The following ZNF710 variants were observed in gnomAD, a reference collection of about 807,000 sequenced individuals.
The protein encoded by ZNF710 is zinc finger protein 710.
ZNF710 carries 13 observed loss-of-function variants against 50.6 expected under a neutral mutation model. The ratio of observed to expected loss-of-function variants is 0.26; its 90% CI spans 0.17 to 0.41. The LOEUF (loss-of-function observed/expected upper bound fraction) is 0.41. Ranked by LOEUF, ZNF710 falls within the 10% of genes least tolerant of loss-of-function variation. The probability of loss-of-function intolerance (pLI) is 1.00; values close to 1 mark genes in which losing one functional copy is unlikely to be tolerated. For missense variants in ZNF710, 721 were observed against 936.6 expected, an observed-to-expected ratio of 0.77 and a Z score of 3.01; for synonymous variants, 383 against 397.0, an observed-to-expected ratio of 0.96 and a Z score of 0.42.
intron 1 of ZNF710, among the ~76,000 whole-genome samples, chr15:90,051,733 A>G (rs559183678): frequency 4.6e-5 from 7 of 152,134 alleles, no homozygotes; most frequent in Non-Finnish European, 1.0e-4. Context: ...TGGGTGAATC[A>G]CTCAACTCCT....
intron 1 of ZNF710, among the ~76,000 whole-genome samples, chr15:90,018,334 A>G (rs1237092997): frequency 6.6e-6 from 1 of 151,732 alleles, no homozygotes; most frequent in Non-Finnish European, 1.5e-5. Flanking sequence ...ACACCCAGCT[A>G]CTTTTTGTAT....
At chr15:90,048,994 T>G (rs1323785654) in intron 1 of ZNF710, among the ~76,000 whole-genome samples, 1 of 152,186 alleles carries the variant, frequency 6.6e-6, no homozygotes, top group Non-Finnish European at 1.5e-5. Context: ...CATTACTTTT[T>G]CCAAGTGTTC....
At chr15:90,064,864 T>TA (rs1900118797) in intron 1 of ZNF710, among the ~76,000 whole-genome samples, 1 of 152,136 alleles carries the variant, frequency 6.6e-6, no homozygotes, top group Non-Finnish European at 1.5e-5. Flanking sequence ...CCGTGGGCCC[T>TA]CACAACCCTT....
intron 1 of ZNF710, among the ~76,000 whole-genome samples, chr15:90,013,475 G>C (rs995397287): frequency 3.9e-5 from 6 of 152,168 alleles, no homozygotes; most frequent in Admixed American, 3.3e-4. Flanking sequence ...TGAGGTATAG[G>C]ATGAGAGTCC....
intron 1 of ZNF710, among the ~76,000 whole-genome samples, chr15:90,043,025 C>T (rs1208007994): frequency 6.6e-6 from 1 of 152,264 alleles, no homozygotes; most frequent in Non-Finnish European, 1.5e-5. Flanking sequence ...AGGGCCCAGC[C>T]TGAGCAGGCG....
Position 90,067,279 on chromosome 15 carries a change from G to T in ZNF710, c.142G>T (p.Gly48Trp). Residue 48 changes from glycine (G) to tryptophan (W), a missense_variant, in exon 2 of 5, where the codon GGG (glycine) becomes TGG (tryptophan). Gly to Trp is a radical substitution (Grantham distance 184). Around this residue, in one of 3 missense-constraint regions of ZNF710, gnomAD observed 326 missense variants for 347.1 expected, o/e 0.94. Transcript: ENST00000268154. The surrounding 1 kb of genome is among the most constrained non-coding windows in gnomAD (Gnocchi z 8.1). ...ISAEAFYPDLGPELSGAAMGE... is the reference protein window; with the variant it reads ...ISAEAFYPDLWPELSGAAMGE... ...CGCCGAGGCCTTCTACCCGGACCTG[G>T]GGCCCGAGCTTTCAGGGGCAGCCAT... is the stretch of plus-strand genomic sequence containing the variant. The T allele has an allele frequency of 6.2e-7, 1 of 1,612,428 alleles. No homozygotes were observed. The highest frequency in any genetic ancestry group is 1.1e-5 in the South Asian group (1 of 90,856).
Position 90,067,111 on chromosome 15 carries a change from G to T in ZNF710, c.-27G>T. On this transcript the variant is annotated splice_region_variant and 5_prime_UTR_variant, in exon 2 of 5. Transcript: ENST00000268154. This position sits in a 1 kb window ranked among gnomAD's most constrained non-coding sequence, Gnocchi z 8.1. ...TAACCTTCCCTTCTCCACCCACAGC[G>T]ATGCCCTCCTAGCTAGCCGTCACGG... The T allele has an allele frequency of 6.4e-7, 1 of 1,563,834 alleles. No homozygotes were observed. The highest frequency in any genetic ancestry group is 1.2e-5 in the South Asian group (1 of 84,706).
intron 1 of ZNF710, among the ~76,000 whole-genome samples, chr15:90,058,623 G>A (rs997975412): frequency 6.6e-6 from 1 of 151,930 alleles, no homozygotes; most frequent in Admixed American, 6.6e-5. Flanking sequence ...GCTGTCAGGG[G>A]AGATGATCCA....
rs1009399124 is a variant in ZNF710, at chr15:90,080,510, CAT to C, written c.*682_*683del. On this transcript the variant is annotated 3_prime_UTR_variant, in exon 5 of 5. Transcript: ENST00000268154. Reference sequence around the variant, plus strand: ...AGTGTCCCTACAGTGGATTGCAACACATGTCGTCCACTTCGACCCTAGCTGGA... The same window carrying C: ...AGTGTCCCTACAGTGGATTGCAACACGTCGTCCACTTCGACCCTAGCTGGA... 5 of 152,754 alleles carry C rather than the reference CAT, an allele frequency of 3.3e-5. No individual in the cohort carries two copies. The highest frequency in any genetic ancestry group is 1.9e-4 in the East Asian group (1 of 5,194). The allele number at this position is 152,754 out of a possible 1,614,324, so 9.5% of individuals were successfully genotyped here.
At chr15:90,003,976 C>T (rs1018070844) in intron 1 of ZNF710, among the ~76,000 whole-genome samples, 6 of 152,044 alleles carry the variant, frequency 3.9e-5, no homozygotes, top group Non-Finnish European at 7.4e-5. Flanking sequence ...TTGCCTGTGT[C>T]TTGGTGGAGG....
chr15:90,048,181 TGCAGAACCTG>T, intron 1 of ZNF710, among the ~76,000 whole-genome samples: 1 of 152,354 alleles, frequency 6.6e-6, no homozygotes, highest in South Asian at 2.1e-4. Flanking sequence ...CAGATGCCAG[TGCAGAACCTG>T]GCAGGGAGCA....
At chr15:90,050,385 G>A (rs1899601657) in intron 1 of ZNF710, among the ~76,000 whole-genome samples, 1 of 152,160 alleles carries the variant, frequency 6.6e-6, no homozygotes, top group Non-Finnish European at 1.5e-5. Context: ...TACCTCCTGC[G>A]CTTCTGTCCG....
In ZNF710 at chr15:90,067,136, G is replaced by A. The variant is rs1472540989; in HGVS notation, c.-2G>A. 5 of 1,591,424 alleles carry A rather than the reference G, an allele frequency of 3.1e-6. No homozygotes were observed. The East Asian group carries it at 1.1e-4, about 36-fold the overall frequency. On this transcript the variant is annotated 5_prime_UTR_variant, in exon 2 of 5. Coordinates refer to ENST00000268154, the MANE Select transcript of ZNF710 (RefSeq NM_198526.4). This position sits in a 1 kb window ranked among gnomAD's most constrained non-coding sequence, Gnocchi z 8.1. The stretch of plus-strand genomic sequence containing the variant: ...GATGCCCTCCTAGCTAGCCGTCACG[G>A]GATGGAGGGCTTCATGGACTCAGGG...
At chr15:90,002,517 A>ATCACCAGCGTCAGATCGGG (rs1386272932) in intron 1 of ZNF710, 2 of 152,146 alleles carry the variant, frequency 1.3e-5, no homozygotes, top group African/African-American at 4.8e-5. Context: ...GTGGGGCGTG[A>ATCACCAGCGTCAGATCGGG]GCACCAGCGT....
chr15:90,031,026 AAG>A (rs1898929850), intron 1 of ZNF710, among the ~76,000 whole-genome samples: 2 of 150,198 alleles, frequency 1.3e-5, no homozygotes, highest in African/African-American at 2.5e-5. Flanking sequence ...CTCAAAAAAA[AAG>A]AAAAAAAAAA....
At chr15:90,070,434 G>C (rs1900339063) in intron 2 of ZNF710, among the ~76,000 whole-genome samples, 1 of 151,882 alleles carries the variant, frequency 6.6e-6, no homozygotes, top group Non-Finnish European at 1.5e-5. Flanking sequence ...CACTTTGGGA[G>C]GCTGAGGCAG....
chr15:90,021,950 G>T (rs557233863), intron 1 of ZNF710, among the ~76,000 whole-genome samples: 5 of 152,220 alleles, frequency 3.3e-5, no homozygotes, highest in African/African-American at 4.8e-5. Context: ...GCATGGTGGC[G>T]CATGCCTGTA....
chr15:90,049,359 C>G (rs1899566471), intron 1 of ZNF710, among the ~76,000 whole-genome samples: 2 of 152,188 alleles, frequency 1.3e-5, no homozygotes, highest in African/African-American at 4.8e-5. Flanking sequence ...CCTCCATGGC[C>G]TGGCCGGAGG....
intron 1 of ZNF710, among the ~76,000 whole-genome samples, chr15:90,022,473 G>T (rs1277679563): frequency 6.6e-6 from 1 of 152,238 alleles, no homozygotes; most frequent in African/African-American, 2.4e-5. Flanking sequence ...TTGTGGGTGA[G>T]ATGGTAGAAG....
Sources: gnomAD v4.1 joint callset for allele counts (sites outside exome capture counted in the v4.1 genomes callset) on GRCh38, gnomAD v4.1.1 for gene constraint, gnomAD v4.1.1 regional missense constraint, Gnocchi (gnomAD v3.1) non-coding constraint, MANE v1.5 for transcripts, NCBI Gene and HGNC (gene_info 2026-07-23, HGNC 2026-07-21) for gene names.